The following LAMA2 variants were observed in gnomAD, a reference collection of about 807,000 sequenced individuals.
LAMA2 encodes the protein laminin subunit alpha 2.
Under a neutral mutation model 364.8 loss-of-function variants are expected in LAMA2, and 269 were observed. The observed-to-expected ratio is 0.74, with a 90% CI of 0.67 to 0.82. The LOEUF is 0.82. Ranked by LOEUF, LAMA2 falls within the 40% of genes least tolerant of loss-of-function variation. The pLI, the probability that LAMA2 is intolerant of heterozygous loss-of-function variation, is 0.00. For synonymous variants in LAMA2, 1,379 were observed against 1,370.6 expected (o/e 1.01, Z -0.14); for missense variants, 3,807 against 3,873.2 (o/e 0.98, Z 0.45).
chr6:129,246,306 A>G (rs1785746848), intron 12 of LAMA2, among the ~76,000 whole-genome samples: 3 of 152,240 alleles, frequency 2.0e-5, no homozygotes. Flanking sequence ...ACAAGTAAGC[A>G]GAAACATGGC....
At chr6:129,413,265 C>A (rs562044556) in intron 40 of LAMA2, among the ~76,000 whole-genome samples, 19 of 151,960 alleles carry the variant, frequency 1.3e-4, no homozygotes, top group Admixed American at 9.8e-4. Context: ...AATTATGAGC[C>A]TGCAAGGTCA....
intron 29 of LAMA2, among the ~76,000 whole-genome samples, chr6:129,338,673 A>T (rs1344022456): frequency 6.6e-6 from 1 of 152,204 alleles, no homozygotes; most frequent in Non-Finnish European, 1.5e-5. Context: ...GTCATTCAAA[A>T]TAGTCATCGA....
intron 12 of LAMA2, among the ~76,000 whole-genome samples, chr6:129,222,855 C>G (rs185206957): frequency 6.6e-6 from 1 of 152,222 alleles, no homozygotes; most frequent in African/African-American, 2.4e-5. Flanking sequence ...TGGGTATATA[C>G]CCAGTAATGG....
intron 49 of LAMA2, 145 bp downstream of exon 49, chr6:129,460,469 A>G: frequency 3.4e-6 from 3 of 869,884 alleles, no homozygotes; most frequent in Admixed American, 3.9e-5. Flanking sequence ...CACAAAACTA[A>G]TGAATCTTCA....
intron 29 of LAMA2, among the ~76,000 whole-genome samples, chr6:129,332,685 C>A (rs1212036773): frequency 6.6e-6 from 1 of 152,002 alleles, no homozygotes; most frequent in Non-Finnish European, 1.5e-5. Flanking sequence ...TATAAAAATT[C>A]TTTCTATGTA....
intron 47 of LAMA2, among the ~76,000 whole-genome samples, 169 bp from the exon 48 acceptor site, chr6:129,456,166 G>A (rs890725744): frequency 8.6e-5 from 13 of 152,044 alleles, no homozygotes; most frequent in African/African-American, 3.1e-4. Context: ...GTATTGATTC[G>A]AGATCTAATG....
chr6:129,427,289 C>T (rs908517153), intron 40 of LAMA2, among the ~76,000 whole-genome samples: 1 of 152,168 alleles, frequency 6.6e-6, no homozygotes, highest in East Asian at 1.9e-4. Flanking sequence ...TCTCAGTCCA[C>T]AACTAGAGTG....
rs571104743 is a variant in LAMA2 at position 129,229,240 on chromosome 6, A to G, written c.1783-20872A>G. On this transcript the variant is annotated intron_variant, in intron 12 of 64. Coordinates refer to ENST00000421865, the MANE Select transcript of LAMA2 (RefSeq NM_000426.4). ...GTAGAGCATGGAGGGCCTAGGAAGG[A>G]TGATAGTGGTTGAATAGACTTTAAT... Among the ~76,000 whole-genome samples, 15 of 152,328 alleles carry G rather than the reference A, an allele frequency of 9.8e-5. No individual in the cohort carries two copies. In the South Asian group the frequency reaches 2.9e-3, roughly 29 times the overall value.
At chr6:129,436,882 T>C (rs531032409) in intron 41 of LAMA2, 1 of 152,288 alleles carries the variant, frequency 6.6e-6, no homozygotes, top group South Asian at 2.1e-4. Context: ...CTTAAAAATA[T>C]GGAACACTTT....
intron 22 of LAMA2, among the ~76,000 whole-genome samples, chr6:129,308,278 A>T (rs1225801967): frequency 1.5e-5 from 2 of 137,264 alleles, no homozygotes; most frequent in Non-Finnish European, 1.7e-5. Flanking sequence ...AGTGTCTATG[A>T]CTGACTTTTG....
At chr6:129,299,109 G>A (rs1419421235) in intron 21 of LAMA2, among the ~76,000 whole-genome samples, 1 of 151,710 alleles carries the variant, frequency 6.6e-6, no homozygotes, top group African/African-American at 2.4e-5. Flanking sequence ...AATAAATGCA[G>A]ACCTACTAGC....
intron 10 of LAMA2, among the ~76,000 whole-genome samples, chr6:129,183,002 T>C (rs1202378142): frequency 6.6e-6 from 1 of 151,992 alleles, no homozygotes; most frequent in East Asian, 1.9e-4. Flanking sequence ...AACTACATTA[T>C]TACATTTTAC....
intron 1 of LAMA2, among the ~76,000 whole-genome samples, chr6:128,988,664 A>G (rs939915675): frequency 2.0e-5 from 3 of 152,132 alleles, no homozygotes; most frequent in African/African-American, 7.2e-5. Flanking sequence ...AGCTTTTTTA[A>G]CTTTGAGTTT....
intron 45 of LAMA2, among the ~76,000 whole-genome samples, chr6:129,450,467 A>C (rs773330996): frequency 6.6e-6 from 1 of 151,838 alleles, no homozygotes; most frequent in Non-Finnish European, 1.5e-5. Flanking sequence ...CTACAGGCAC[A>C]TGCCACCACC....
intron 9 of LAMA2, among the ~76,000 whole-genome samples, chr6:129,171,141 G>A (rs546000835): frequency 3.3e-5 from 5 of 152,250 alleles, no homozygotes; most frequent in Admixed American, 3.3e-4. Context: ...TTGCCAGTCT[G>A]TGTCTTTTAA....
intron 1 of LAMA2, among the ~76,000 whole-genome samples, chr6:128,996,243 C>G (rs754897904): frequency 6.6e-6 from 1 of 151,866 alleles, no homozygotes; most frequent in African/African-American, 2.4e-5. Flanking sequence ...ATGTGAAGAT[C>G]GGGGAAATGA....
At chr6:129,246,112 C>A (rs1023160706) in intron 12 of LAMA2, among the ~76,000 whole-genome samples, 1 of 151,970 alleles carries the variant, frequency 6.6e-6, no homozygotes, top group Non-Finnish European at 1.5e-5. Context: ...TCATAAATAA[C>A]CAGAATCACT....
intron 1 of LAMA2, among the ~76,000 whole-genome samples, chr6:128,964,496 T>C (rs1484595289): frequency 6.6e-6 from 1 of 152,054 alleles, no homozygotes; most frequent in African/African-American, 2.4e-5. Context: ...TTGGCTCCAA[T>C]TTCATTCATA....
At chr6:129,189,723 T>G (rs1225806350) in intron 10 of LAMA2, among the ~76,000 whole-genome samples, 2 of 152,176 alleles carry the variant, frequency 1.3e-5, no homozygotes, top group Non-Finnish European at 2.9e-5. Context: ...TAATCTGAAA[T>G]GTGAAAAGTA....
Sources: gnomAD v4.1 joint callset for allele counts (sites outside exome capture counted in the v4.1 genomes callset) on GRCh38, gnomAD v4.1.1 for gene constraint, MANE v1.5 for transcripts, NCBI Gene and HGNC (gene_info 2026-07-23, HGNC 2026-07-21) for gene names.